Variants in TTC13 observed in about 807,000 individuals in gnomAD.
TTC13 encodes tetratricopeptide repeat domain 13, also known as tetratricopeptide repeat protein 13.
In TTC13, 62 loss-of-function variants were observed where a neutral mutation model predicts 120.0. The ratio of observed to expected loss-of-function variants is 0.52; its 90% CI spans 0.42 to 0.64. The LOEUF (loss-of-function observed/expected upper bound fraction) is 0.64, where lower values mean the gene tolerates loss of function less well. TTC13 is among the 30% of genes least tolerant of loss of function. TTC13 has a pLI of 0.00. For synonymous variants in TTC13, 384 were observed against 393.5 expected (o/e 0.98, Z 0.28); for missense variants, 824 against 1,050.2 (o/e 0.78, Z 2.98).
intron 1 of TTC13, among the ~76,000 whole-genome samples, chr1:230,971,901 CAT>C (rs1426218950): frequency 6.6e-6 from 1 of 152,328 alleles, no homozygotes; most frequent in Admixed American, 6.5e-5. Flanking sequence ...CAAAGTGACA[CAT>C]ACTTTTAAGA....
chr1:230,913,235 A>G (rs535390299), intron 18 of TTC13, among the ~76,000 whole-genome samples: 20 of 152,338 alleles, frequency 1.3e-4, no homozygotes, highest in Admixed American at 1.0e-3. Flanking sequence ...TGTGGAGGAT[A>G]TAAGTTTGAT....
At chr1:230,958,358 G>T in intron 2 of TTC13, 59 bp from the exon 3 acceptor site, 2 of 1,537,492 alleles carry the variant, frequency 1.3e-6, no homozygotes, top group East Asian at 2.3e-5. Context: ...AAGAAAACTT[G>T]TATTAAAATC....
chr1:230,931,573 AC>A, intron 10 of TTC13, 101 bp from the exon 11 acceptor site: 6 of 1,461,076 alleles, frequency 4.1e-6, no homozygotes, highest in Non-Finnish European at 5.6e-6. Context: ...GTTAAACCAG[AC>A]CTGTAAACTA....
chr1:230,941,299 TTTG>T (rs1674516317), intron 6 of TTC13, among the ~76,000 whole-genome samples: 1 of 152,072 alleles, frequency 6.6e-6, no homozygotes, highest in Admixed American at 6.6e-5. Flanking sequence ...TAGGGTTTAT[TTTG>T]TTGTTGTTTT....
intron 4 of TTC13, among the ~76,000 whole-genome samples, chr1:230,952,966 G>A (rs1467238534): frequency 6.6e-6 from 1 of 152,010 alleles, no homozygotes; most frequent in African/African-American, 2.4e-5. Flanking sequence ...TAATACATCT[G>A]CAAATTCCTA....
chr1:230,947,227 T>C (rs1156465975), intron 4 of TTC13, among the ~76,000 whole-genome samples: 1 of 151,948 alleles, frequency 6.6e-6, no homozygotes. Context: ...AACATTTAAG[T>C]ATTCTTCCTG....
chr1:230,924,915 C>T lies in TTC13; in HGVS notation c.1647G>A (p.Ser549=), dbSNP rs1157441384. The T allele has an allele frequency of 3.1e-6, 5 of 1,614,216 alleles. No individual in the cohort carries two copies. The highest frequency in any genetic ancestry group is 1.1e-5 in the South Asian group (1 of 91,086). Residue 549 remains serine, a synonymous_variant, in exon 14 of 23, where the codon TCG becomes TCA. Coordinates refer to ENST00000366661, the MANE Select transcript of TTC13 (RefSeq NM_024525.5). The part of the protein sequence containing the change: ...MQAVQRTWTN[S]KVRMNGKTRL... ...GTGTCTTCCCATTCATTCGAACTTT[C>T]GAGTTGGTCCATGTACGCTGCACGG...
rs768983308 is a variant in TTC13, at chr1:230,958,320, A to C, written c.367-21T>G. 2.4e-5 allele frequency: 33 copies of C among 1,379,896 alleles called. No individual in the cohort carries two copies. The East Asian group carries it at 3.0e-4, about 13-fold the overall frequency. 85.5% of individuals were successfully genotyped at this position (1,379,896 alleles called of 1,614,324 possible). ...TGGCTCTGGGAAAAAAAAAAAAAAA[A>C]CCCATACATTTTAGCTATCACAAAT... is the stretch of plus-strand genomic sequence containing the variant. On this transcript the variant is annotated intron_variant, in intron 2 of 22. Coordinates refer to ENST00000366661, the MANE Select transcript of TTC13 (RefSeq NM_024525.5).
chr1:230,932,940 T>G (rs958817682), intron 9 of TTC13, among the ~76,000 whole-genome samples: 1 of 152,212 alleles, frequency 6.6e-6, no homozygotes, highest in African/African-American at 2.4e-5. Flanking sequence ...CCTTCACTCA[T>G]GCCATCCTAC....
chr1:230,926,000 A>G (rs1024457968), intron 12 of TTC13, among the ~76,000 whole-genome samples: 1 of 151,912 alleles, frequency 6.6e-6, no homozygotes, highest in African/African-American at 2.4e-5. Context: ...CCCTTTGTCC[A>G]CTCCTCAACC....
chr1:230,949,642 C>T (rs1348618869), intron 4 of TTC13, among the ~76,000 whole-genome samples: 1 of 147,184 alleles, frequency 6.8e-6, no homozygotes, highest in Non-Finnish European at 1.5e-5. Context: ...TTATTCTTTC[C>T]TTTTTTTTTT....
At chr1:230,924,578 C>T (rs928226672) in intron 14 of TTC13, among the ~76,000 whole-genome samples, 2 of 152,192 alleles carry the variant, frequency 1.3e-5, no homozygotes, top group African/African-American at 4.8e-5. Flanking sequence ...GTGATCCGCC[C>T]GCCTCGGCCT....
Position 230,911,547 on chromosome 1 carries a change from C to T in TTC13, c.2232G>A (p.Glu744=), listed in dbSNP as rs1190269140. The stretch of plus-strand genomic sequence containing the variant: ...AGATTAAGTTGCAGACAGCATCAGC[C>T]TCCTAGAAAAAAAAGATACAGACTC... ...KVLILSSEFG[E]ADAVCNLILS... The change falls in exon 20 of 23, where the codon GAG becomes GAA. Residue 744 remains glutamate, a splice_region_variant and synonymous_variant. Coordinates refer to ENST00000366661, the MANE Select transcript of TTC13 (RefSeq NM_024525.5). 1.4e-5 allele frequency: 22 copies of T among 1,533,670 alleles called. No homozygotes were observed. The highest frequency in any genetic ancestry group is 1.7e-5 in the Non-Finnish European group (20 of 1,145,654).
Position 230,941,380 on chromosome 1 carries a change from C to T in TTC13, c.673-824G>A, listed in dbSNP as rs573475197. Among the ~76,000 whole-genome samples the T allele has an allele frequency of 5.5e-4, 84 of 152,274 alleles. 1 individual carries two copies. Among genetic ancestry groups the T allele is most frequent in the Admixed American group, 5.4e-3 (83 of 15,302 alleles). On this transcript the variant is annotated intron_variant, in intron 6 of 22. Coordinates refer to ENST00000366661, the MANE Select transcript of TTC13 (RefSeq NM_024525.5). Reference sequence around the variant, plus strand: ...GCACAATCATAGCTCACTGTAACCTCGGACTCCTGGGCTCATGCAATCCTC... The same window carrying T: ...GCACAATCATAGCTCACTGTAACCTTGGACTCCTGGGCTCATGCAATCCTC...
chr1:230,952,895 T>G (rs1269208848), intron 4 of TTC13, among the ~76,000 whole-genome samples: 1 of 152,228 alleles, frequency 6.6e-6, no homozygotes. Context: ...ATATTTTCTT[T>G]AAGAGTATTA....
chr1:230,920,858 CA>C (rs1269617136), intron 16 of TTC13, among the ~76,000 whole-genome samples: 1 of 152,146 alleles, frequency 6.6e-6, no homozygotes, highest in Non-Finnish European at 1.5e-5. Context: ...CAGAATGGAT[CA>C]AAAGCCAGTG....
intron 18 of TTC13, among the ~76,000 whole-genome samples, chr1:230,913,465 T>C (rs1289874279): frequency 1.3e-5 from 2 of 152,184 alleles, no homozygotes; most frequent in Non-Finnish European, 2.9e-5. Context: ...GCTCAAGTGA[T>C]CTTCCCGCCT....
chr1:230,935,085 G>T (rs983691137), intron 8 of TTC13, among the ~76,000 whole-genome samples: 1 of 152,190 alleles, frequency 6.6e-6, no homozygotes, highest in African/African-American at 2.4e-5. Flanking sequence ...TCTACGGTTG[G>T]GTAGAGAGAT....
chr1:230,926,479 G>T (rs1362195290), intron 12 of TTC13, among the ~76,000 whole-genome samples: 1 of 152,180 alleles, frequency 6.6e-6, no homozygotes, highest in Non-Finnish European at 1.5e-5. Flanking sequence ...CAGATACCCA[G>T]AAGGAAAGCA....
Sources: allele counts gnomAD v4.1 joint callset (sites outside exome capture counted in the v4.1 genomes callset), GRCh38; gene constraint gnomAD v4.1.1; transcripts MANE v1.5; gene names NCBI Gene and HGNC (gene_info 2026-07-23, HGNC 2026-07-21).